NEB: variants seen among roughly 807,000 people sequenced by gnomAD.
NEB encodes the protein nebulin.
Under a neutral mutation model 952.2 loss-of-function variants are expected in NEB, and 512 were observed. The ratio of observed to expected loss-of-function variants is 0.54; its 90% confidence interval spans 0.50 to 0.58. The LOEUF (loss-of-function observed/expected upper bound fraction) is 0.58. Ranked by LOEUF, NEB falls within the 20% of genes least tolerant of loss-of-function variation. The probability of loss-of-function intolerance (pLI) is 0.00; values close to 1 mark genes in which losing one functional copy is unlikely to be tolerated. For synonymous variants in NEB, 2,900 were observed against 3,149.8 expected (o/e 0.92, Z 2.66); for missense variants, 8,428 against 9,231.1 (o/e 0.91, Z 3.56).
chr2:151,615,746 A>G (rs2098172076), intron 76 of NEB: 3 of 346,400 alleles, frequency 8.7e-6, no homozygotes, highest in South Asian at 1.3e-4. Context: ...AAGCTCAAAA[A>G]TATGAACCCA....
intron 163 of NEB, 47 bp downstream of exon 163, chr2:151,506,862 T>G (rs1182200439): frequency 8.2e-7 from 1 of 1,221,198 alleles, no homozygotes; most frequent in African/African-American, 1.5e-5. Context: ...AAGAGGAGAG[T>G]GAAATGACTA....
In NEB at chr2:151,631,357, G is replaced by T; in HGVS notation, c.9415-11C>A. 1 of 1,602,024 alleles carries T rather than the reference G, an allele frequency of 6.2e-7. No individual in the cohort carries two copies. Among genetic ancestry groups the T allele is most frequent in the Non-Finnish European group, 8.5e-7 (1 of 1,172,254 alleles). ...TGACTTGTAAATATTCTGAGCAGAG[G>T]AAAAAAGTCAAAAACTCTTCATCAA... On this transcript the variant is annotated splice_polypyrimidine_tract_variant and intron_variant, in intron 65 of 181. Transcript: ENST00000397345.
chr2:151,550,534 T>C (rs543463673), intron 129 of NEB, among the ~76,000 whole-genome samples: 3 of 152,298 alleles, frequency 2.0e-5, no homozygotes, highest in East Asian at 1.9e-4. Context: ...CATGTGTTCA[T>C]GGCAGAAAGG....
chr2:151,512,730 T>C lies in NEB; in HGVS notation c.23346+3A>G. ...TGAGTGATGGCATGACGAATGTCCTTACCTGGCTTGAAAGATTCTTGACTT... is the reference window on the plus strand; with the variant it reads ...TGAGTGATGGCATGACGAATGTCCTCACCTGGCTTGAAAGATTCTTGACTT... On this transcript the variant is annotated splice_donor_region_variant and intron_variant, in intron 161 of 181. Coordinates refer to ENST00000397345, the MANE Select transcript of NEB (RefSeq NM_001164508.2). The C allele has an allele frequency of 6.2e-7, 1 of 1,609,292 alleles. No homozygotes were observed. The highest frequency in any genetic ancestry group is 2.2e-5 in the East Asian group (1 of 44,858).
rs772220429 is a variant in NEB, at chr2:151,496,928, C to G, written c.24393+13G>C. On this transcript the variant is annotated intron_variant, in intron 172 of 181. Coordinates refer to ENST00000397345, the MANE Select transcript of NEB (RefSeq NM_001164508.2). ...AATCAGTAAGTAGTTTTTTTCTTTT[C>G]TTGCCCAAGTACCGAGCTAATATTT... The G allele has an allele frequency of 6.4e-7, 1 of 1,552,762 alleles. No individual in the cohort carries two copies. The highest frequency in any genetic ancestry group is 8.7e-7 in the Non-Finnish European group (1 of 1,144,476).
intron 24 of NEB, 151 bp downstream of exon 24, chr2:151,690,575 GC>G (rs1261890445): frequency 4.6e-6 from 3 of 647,678 alleles, no homozygotes; most frequent in Non-Finnish European, 8.4e-6. Context: ...ATTCAATCTA[GC>G]AGCCTCATTT....
chr2:151,570,009 T>A, intron 109 of NEB, 72 bp downstream of exon 109: 3 of 1,396,714 alleles, frequency 2.1e-6, no homozygotes, highest in Non-Finnish European at 9.8e-7. Context: ...ACAGAAGGGG[T>A]TAGTGTCATA....
intron 139 of NEB, 37 bp from the exon 140 acceptor site, chr2:151,538,013 C>A: frequency 6.3e-7 from 1 of 1,577,604 alleles, no homozygotes; most frequent in East Asian, 2.2e-5. Context: ...GTAAGTCTTA[C>A]CCAAAGTTAA....
At chr2:151,670,934 C>T in intron 38 of NEB, 89 bp downstream of exon 38, 2 of 1,345,456 alleles carry the variant, frequency 1.5e-6, no homozygotes, top group East Asian at 2.3e-5. Context: ...ATAGATGCAT[C>T]CTCACACATT....
In NEB at chr2:151,541,570, A is replaced by G; in HGVS notation, c.20578-19T>C. ...AGACCAGCTAGACATAAACCAAGTT[A>G]TCACCATCATTTCTGTTTCATGGGC... is the stretch of plus-strand genomic sequence containing the variant. On this transcript the variant is annotated intron_variant, in intron 135 of 181. Transcript: ENST00000397345. 9 of 1,585,608 alleles carry G rather than the reference A, an allele frequency of 5.7e-6. No individual in the cohort carries two copies. Among genetic ancestry groups the G allele is most frequent in the Non-Finnish European group, 6.9e-6 (8 of 1,154,860 alleles).
rs755614432 is a variant in NEB at position 151,503,555 on chromosome 2, A to G, written c.23743-114T>C. 8 of 661,968 alleles carry G rather than the reference A, an allele frequency of 1.2e-5. No homozygotes were observed. The South Asian group carries it at 1.5e-4, about 13-fold the overall frequency. The allele number at this position is 661,968 out of a possible 1,614,324, so 41.0% of individuals were successfully genotyped here. A position where few individuals can be genotyped will look rare whatever the true frequency, so the allele number is the denominator to read the frequency against. On this transcript the variant is annotated intron_variant, in intron 165 of 181. Transcript: ENST00000397345. ...CATAAAAACAATCTAGCTCTCAAAT[A>G]TAACATTCAAGGAACAGGGGGGAAA...
chr2:151,655,978 A>G lies in NEB; in HGVS notation c.6541T>C (p.Trp2181Arg). The G allele has an allele frequency of 6.2e-7, 1 of 1,613,774 alleles. No homozygotes were observed. Among genetic ancestry groups the G allele is most frequent in the Non-Finnish European group, 8.5e-7 (1 of 1,179,788 alleles). ...ACTTCCAGAGAACCTGCTGGACTCC[A>G]GCCAAGCCCTTTGTACCATTCATTG... ...DYNEWYKGLG[W>R]SPAGSLEVEK... Residue 2181 changes from tryptophan (W) to arginine (R), a missense_variant, in exon 50 of 182, where the codon TGG (tryptophan) becomes CGG (arginine). By Grantham distance (101) the Trp-to-Arg change is moderately radical. This residue lies in a region of NEB where 2,851 missense variants were observed against 2,791.5 expected (regional missense o/e 1.02). Transcript: ENST00000397345.
At chr2:151,614,119 T>A (rs1380371121) in intron 77 of NEB, among the ~76,000 whole-genome samples, 157 bp downstream of exon 77, 1 of 152,260 alleles carries the variant, frequency 6.6e-6, no homozygotes, top group African/African-American at 2.4e-5. Flanking sequence ...TATGATTGGT[T>A]TCTTCTGAAA....
rs375646776 is a variant in NEB at position 151,552,763 on chromosome 2, G to A, written c.19745C>T (p.Ala6582Val). 37 of 1,611,940 alleles carry A rather than the reference G, an allele frequency of 2.3e-5. No individual in the cohort carries two copies. The African/African-American group carries it at 4.0e-4, about 17-fold the overall frequency. The change falls in exon 128 of 182, where the codon GCT becomes GTT. Residue 6582 changes from alanine to valine, a missense_variant. This residue lies in a region of NEB where 3,374 missense variants were observed against 3,651.5 expected (regional missense o/e 0.92). Transcript: ENST00000397345. ...GTCATTCCTTGTTTTCAACATGTGAGCTTTATACTTGATCTGCCGAGAGGA... is the reference window on the plus strand; with the variant it reads ...GTCATTCCTTGTTTTCAACATGTGAACTTTATACTTGATCTGCCGAGAGGA... Reference protein sequence around the residue: ...YDLRDDIKYKAHMLKTRNDYK... With the variant: ...YDLRDDIKYKVHMLKTRNDYK...
At position 151,633,897 on chromosome 2, in the gene NEB, G is replaced by A; in HGVS notation, c.9171C>T (p.Asp3057=). The change falls in exon 65 of 182, where the codon GAC becomes GAT. Residue 3057 remains aspartate, a synonymous_variant. Transcript: ENST00000397345. Reference sequence around the variant, plus strand: ...CGTGCATGGACCACATCATCTTGGGGTCATCTTCAATGTTCCGGGCTCCAA... The same window carrying A: ...CGTGCATGGACCACATCATCTTGGGATCATCTTCAATGTTCCGGGCTCCAA... The part of the protein sequence containing the change: ...HHIGARNIED[D]PKMMWSMHVA... The A allele has an allele frequency of 6.2e-7, 1 of 1,614,012 alleles. No individual in the cohort carries two copies. The highest frequency in any genetic ancestry group is 8.5e-7 in the Non-Finnish European group (1 of 1,179,904).
At chr2:151,530,891 AGGGT>A in intron 145 of NEB, 99 bp downstream of exon 145, 1 of 712,590 alleles carries the variant, frequency 1.4e-6, no homozygotes, top group Non-Finnish European at 2.4e-6. Context: ...ACTAAGTTTT[AGGGT>A]GGTTGTTACA....
At chr2:151,694,006 C>T (rs1044155064) in intron 20 of NEB, among the ~76,000 whole-genome samples, 3 of 152,108 alleles carry the variant, frequency 2.0e-5, no homozygotes, top group African/African-American at 7.2e-5. Context: ...TATACATGCA[C>T]ATGTACCTAT....
chr2:151,500,156 T>TTAAC (rs1315570038), intron 168 of NEB, among the ~76,000 whole-genome samples: 1 of 152,074 alleles, frequency 6.6e-6, no homozygotes, highest in Non-Finnish European at 1.5e-5. Context: ...CATTGAAAAT[T>TTAAC]TAACAAAATT....
rs1353828680 is a variant in NEB, at chr2:151,626,907, T to C, written c.10347+95A>G. On this transcript the variant is annotated intron_variant, in intron 70 of 181. Transcript: ENST00000397345. ...GAATCACTATACATTGGATAGCAAT[T>C]TAATTGGATTTAAAAAAGAGACTAA... The C allele has an allele frequency of 6.3e-6, 9 of 1,438,750 alleles. No homozygotes were observed. In the East Asian group the frequency reaches 2.1e-4, roughly 33 times the overall value. The allele number at this position is 1,438,750 out of a possible 1,614,324, so 89.1% of individuals were successfully genotyped here.
Sources: allele counts gnomAD v4.1 joint callset (sites outside exome capture counted in the v4.1 genomes callset), GRCh38; gene constraint gnomAD v4.1.1; regional missense constraint gnomAD v4.1.1; transcripts MANE v1.5; gene names NCBI Gene and HGNC (gene_info 2026-07-23, HGNC 2026-07-21).